Variants in DCP1A observed in about 807,000 individuals in gnomAD.
The protein encoded by DCP1A is decapping mRNA 1A.
Under a neutral mutation model 58.0 loss-of-function variants are expected in DCP1A, and 20 were observed. The observed-to-expected ratio is 0.34, with a 90% confidence interval of 0.24 to 0.50. The LOEUF (loss-of-function observed/expected upper bound fraction) is 0.50, where lower values mean the gene tolerates loss of function less well. Among genes scored for constraint, DCP1A ranks in the 20% least tolerant of loss-of-function variants. The pLI is 0.98. For synonymous variants in DCP1A, 285 were observed against 275.1 expected, an observed-to-expected ratio of 1.04 and a Z score of -0.36; for missense variants, 613 against 712.2, an observed-to-expected ratio of 0.86 and a Z score of 1.59.
intron 6 of DCP1A, among the ~76,000 whole-genome samples, chr3:53,299,579 G>A (rs1303099112): frequency 4.6e-5 from 7 of 152,144 alleles, no homozygotes; most frequent in Admixed American, 3.9e-4. Flanking sequence ...CTATAAGATA[G>A]GCACTATTCT....
In DCP1A at chr3:53,284,339, T is replaced by C. The variant is rs1368050911; in HGVS notation, c.*3241A>G. 6.6e-6 allele frequency: 1 copy of C among 152,068 alleles called. No homozygotes were observed. Among genetic ancestry groups the C allele is most frequent in the Non-Finnish European group, 1.5e-5 (1 of 68,016 alleles). 9.4% of individuals were successfully genotyped at this position (152,068 alleles called of 1,614,324 possible). On this transcript the variant is annotated 3_prime_UTR_variant, in exon 10 of 10. Transcript: ENST00000610213. ...ATGAGAAAATTTCAAACTACATTCT[T>C]TGGGGGAGGAGAGTAATAAAGCTGC... is the stretch of plus-strand genomic sequence containing the variant.
Position 53,285,501 on chromosome 3 carries a change from T to C in DCP1A, c.*2079A>G, listed in dbSNP as rs970623756. On this transcript the variant is annotated 3_prime_UTR_variant, in exon 10 of 10. Transcript: ENST00000610213. Reference sequence around the variant, plus strand: ...GGGAGGTGAAACAGGTTTACCCTTTTCAAGTCTCCATGACTTGGGCACTTA... The same window carrying C: ...GGGAGGTGAAACAGGTTTACCCTTTCCAAGTCTCCATGACTTGGGCACTTA... 6.6e-6 allele frequency: 1 copy of C among 152,188 alleles called. No homozygotes were observed. Among genetic ancestry groups the C allele is most frequent in the Admixed American group, 6.5e-5 (1 of 15,282 alleles). The allele number at this position is 152,188 out of a possible 1,614,324, so 9.4% of individuals were successfully genotyped here. A position where few individuals can be genotyped will look rare whatever the true frequency, so the allele number is the denominator to read the frequency against.
At chr3:53,303,995 A>G (rs1707388144) in intron 6 of DCP1A, among the ~76,000 whole-genome samples, 182 bp downstream of exon 6, 1 of 152,252 alleles carries the variant, frequency 6.6e-6, no homozygotes, top group Non-Finnish European at 1.5e-5. Context: ...GAAACCAGGT[A>G]GCAGGCTACT....
In DCP1A at chr3:53,287,499, A is replaced by G. The variant is rs1706682550; in HGVS notation, c.*81T>C. On this transcript the variant is annotated 3_prime_UTR_variant, in exon 10 of 10. Coordinates refer to ENST00000610213, the MANE Select transcript of DCP1A (RefSeq NM_018403.7). ...CTCAATTTCAGGATTCTCAAACTCA[A>G]TGTTCTGCTCAGAAGTTTCCATGAT... is the stretch of plus-strand genomic sequence containing the variant. The G allele has an allele frequency of 4.4e-6, 4 of 916,360 alleles. No homozygotes were observed. The highest frequency in any genetic ancestry group is 1.7e-5 in the African/African-American group (1 of 59,584). 56.8% of individuals were successfully genotyped at this position (916,360 alleles called of 1,614,324 possible).
In DCP1A at chr3:53,347,510, G is replaced by A. The variant is rs555794342; in HGVS notation, c.8C>T (p.Ala3Val). The A allele has an allele frequency of 8.1e-6, 13 of 1,611,150 alleles. No homozygotes were observed. The highest frequency in any genetic ancestry group is 5.5e-5 in the South Asian group (5 of 90,952). The change falls in exon 1 of 10, where the codon GCG (alanine) becomes GTG (valine). Residue 3 changes from alanine to valine, a missense_variant. Ala to Val is a moderately conservative substitution (Grantham distance 64). This residue lies in a region of DCP1A where 50 missense variants were observed against 37.0 expected (regional missense o/e 1.35). Coordinates refer to ENST00000610213, the MANE Select transcript of DCP1A (RefSeq NM_018403.7). ME[A>V]LSRAGQEMSL... ...CATCTCCTGCCCAGCTCGACTCAGC[G>A]CCTCCATCTTGAATCCCAGAGCCTA... is the stretch of plus-strand genomic sequence containing the variant.
chr3:53,312,479 A>C, intron 4 of DCP1A, 100 bp from the exon 5 acceptor site: 1 of 1,043,338 alleles, frequency 9.6e-7, no homozygotes, highest in Non-Finnish European at 1.3e-6. Flanking sequence ...TAAGAGTGTC[A>C]CATGATGACA....
intron 4 of DCP1A, among the ~76,000 whole-genome samples, chr3:53,313,432 A>G (rs1208776649): frequency 6.6e-6 from 1 of 152,040 alleles, no homozygotes; most frequent in Non-Finnish European, 1.5e-5. Context: ...AAAAAAAAAA[A>G]AATCACTAAG....
At chr3:53,307,489 C>A (rs1173982595) in intron 5 of DCP1A, among the ~76,000 whole-genome samples, 2 of 152,196 alleles carry the variant, frequency 1.3e-5, no homozygotes, top group African/African-American at 2.4e-5. Context: ...ACCATGGCTT[C>A]CCTGGCTCTT....
chr3:53,293,501 T>G (rs1707001499), intron 6 of DCP1A, among the ~76,000 whole-genome samples: 1 of 152,144 alleles, frequency 6.6e-6, no homozygotes, highest in Non-Finnish European at 1.5e-5. Flanking sequence ...GGGTGCCAGG[T>G]CTTGCTCTAA....
chr3:53,292,013 T>C (rs1706893407), intron 7 of DCP1A, 56 bp downstream of exon 7: 24 of 1,528,332 alleles, frequency 1.6e-5, no homozygotes, highest in Non-Finnish European at 2.1e-5. Context: ...CTCTGTAGTT[T>C]CATCCCATCC....
chr3:53,310,248 T>C (rs1387956420), intron 5 of DCP1A, among the ~76,000 whole-genome samples: 2 of 152,252 alleles, frequency 1.3e-5, no homozygotes, highest in African/African-American at 2.4e-5. Flanking sequence ...GAAACTATCA[T>C]GCTATCTATA....
At chr3:53,344,965 T>C in intron 1 of DCP1A, 23 bp from the exon 2 acceptor site, 1 of 1,593,508 alleles carries the variant, frequency 6.3e-7, no homozygotes, top group Non-Finnish European at 8.5e-7. Context: ...ATGACTCAAT[T>C]AGTTTTTTTT....
At chr3:53,297,246 C>A (rs1339203347) in intron 6 of DCP1A, among the ~76,000 whole-genome samples, 3 of 151,872 alleles carry the variant, frequency 2.0e-5, no homozygotes, top group Admixed American at 6.6e-5. Flanking sequence ...CTATTAAAAT[C>A]TTTTACCCAG....
At chr3:53,303,731 G>C (rs1707379863) in intron 6 of DCP1A, among the ~76,000 whole-genome samples, 1 of 152,178 alleles carries the variant, frequency 6.6e-6, no homozygotes, top group Non-Finnish European at 1.5e-5. Flanking sequence ...GCACATTTGG[G>C]GAAAGACAAG....
intron 8 of DCP1A, 41 bp downstream of exon 8, chr3:53,290,750 A>T (rs946715655): frequency 5.7e-4 from 20 of 34,898 alleles, no homozygotes; most frequent in Non-Finnish European, 1.1e-3. Flanking sequence ...GACTAGTCTT[A>T]AAAAAAAAAA....
intron 5 of DCP1A, among the ~76,000 whole-genome samples, chr3:53,305,349 T>TC (rs1559688160): frequency 5.2e-5 from 6 of 115,292 alleles, no homozygotes; most frequent in African/African-American, 1.8e-4. Flanking sequence ...ACAAAAATTT[T>TC]TTTTTCTTTT....
At chr3:53,330,255 G>A (rs550845500) in intron 3 of DCP1A, among the ~76,000 whole-genome samples, 10 of 152,214 alleles carry the variant, frequency 6.6e-5, no homozygotes, top group South Asian at 2.1e-4. Flanking sequence ...CTGACCCAGC[G>A]GGGTGCAGTG....
At position 53,287,613 on chromosome 3, in the gene DCP1A, A is replaced by T. The variant is rs9628; in HGVS notation, c.1716T>A (p.Val572=). The T allele has an allele frequency of 5.6e-6, 9 of 1,611,066 alleles. No homozygotes were observed. Among genetic ancestry groups the T allele is most frequent in the Non-Finnish European group, 7.6e-6 (9 of 1,177,622 alleles). ...TGTGGTTGTCTTTGTTCTTGGTCAG[A>T]ACCTGCAAGTAGACTTCATGAAGTG... ...LSTLHEVYLQ[V]LTKNKDNHNL The change falls in exon 10 of 10, where the codon GTT becomes GTA. Residue 572 remains valine (V), a synonymous_variant. Transcript: ENST00000610213.
At chr3:53,319,383 A>G (rs782293394) in intron 4 of DCP1A, 24 bp downstream of exon 4, 61 of 1,438,616 alleles carry the variant, frequency 4.2e-5, no homozygotes, top group Non-Finnish European at 5.6e-5. Context: ...ATCATCAGTT[A>G]AATTTATGGA....
Sources: gnomAD v4.1 joint callset for allele counts (sites outside exome capture counted in the v4.1 genomes callset) on GRCh38, gnomAD v4.1.1 for gene constraint, gnomAD v4.1.1 regional missense constraint, MANE v1.5 for transcripts, NCBI Gene and HGNC (gene_info 2026-07-23, HGNC 2026-07-21) for gene names.